The following RAD51B variants were observed in gnomAD, a reference collection of about 807,000 sequenced individuals.
The protein encoded by RAD51B is DNA repair protein RAD51 homolog 2.
In RAD51B, 38 loss-of-function variants were observed where a neutral mutation model predicts 42.2. The observed-to-expected ratio is 0.90, with a 90% CI of 0.70 to 1.18. RAD51B has a LOEUF of 1.18. Ranked by LOEUF, RAD51B falls within the 50% of genes most tolerant of loss-of-function variation. The probability of loss-of-function intolerance (pLI) is 0.00; values close to 1 mark genes in which losing one functional copy is unlikely to be tolerated. For synonymous variants in RAD51B, 154 were observed against 145.2 expected (o/e 1.06, Z -0.43); for missense variants, 373 against 400.7 (o/e 0.93, Z 0.59).
chr14:67,851,140 G>A (rs1372762064), intron 4 of RAD51B, among the ~76,000 whole-genome samples: 1 of 152,028 alleles, frequency 6.6e-6, no homozygotes, highest in Non-Finnish European at 1.5e-5. Flanking sequence ...TGGTTGCGTC[G>A]GTTCAACCTC....
intron 8 of RAD51B, among the ~76,000 whole-genome samples, chr14:68,315,938 GAAC>G (rs2082053111): frequency 6.6e-6 from 1 of 152,178 alleles, no homozygotes; most frequent in African/African-American, 2.4e-5. Flanking sequence ...ATCTGAATGA[GAAC>G]AACAGCATTG....
At chr14:68,411,967 A>G (rs2084432501) in intron 9 of RAD51B, among the ~76,000 whole-genome samples, 1 of 152,234 alleles carries the variant, frequency 6.6e-6, no homozygotes. Context: ...CCCAGATACT[A>G]GGTACTTTTA....
At chr14:68,673,536 A>G (rs1324487379) in intron 11 of RAD51B, among the ~76,000 whole-genome samples, 1 of 151,718 alleles carries the variant, frequency 6.6e-6, no homozygotes, top group Non-Finnish European at 1.5e-5. Flanking sequence ...GCACACACAT[A>G]CACATACATA....
intron 7 of RAD51B, among the ~76,000 whole-genome samples, chr14:68,025,782 C>T (rs1351252547): frequency 1.3e-5 from 2 of 151,972 alleles, no homozygotes; most frequent in Non-Finnish European, 2.9e-5. Flanking sequence ...AGCTAGCAGT[C>T]TATCAGTCTT....
intron 7 of RAD51B, among the ~76,000 whole-genome samples, chr14:68,253,119 GTCAAA>G (rs1002321264): frequency 6.6e-5 from 10 of 151,638 alleles, no homozygotes; most frequent in African/African-American, 2.4e-4. Flanking sequence ...TGTAAATTTG[GTCAAA>G]TTCTCCATTC....
At chr14:67,954,291 T>C (rs1279189147) in intron 7 of RAD51B, among the ~76,000 whole-genome samples, 2 of 152,232 alleles carry the variant, frequency 1.3e-5, no homozygotes, top group African/African-American at 4.8e-5. Context: ...GGTAAGATTC[T>C]TTGTGCTTAA....
chr14:68,258,431 ACT>A lies in RAD51B; in HGVS notation c.757-33441_757-33440del, dbSNP rs535522450. On this transcript the variant is annotated intron_variant, in intron 7 of 10. Transcript: ENST00000471583. ...ACCACACACACACACACACACACAC[ACT>A]CTCTCTCTCTCACACACACACACAC... 7.4e-3 allele frequency among the ~76,000 whole-genome samples: 1,109 copies of A among 149,098 alleles called. 12 individuals carry two copies. Among genetic ancestry groups the A allele is most frequent in the African/African-American group, 0.026 (1,065 of 40,436 alleles).
chr14:68,148,553 T>G (rs72725199), intron 7 of RAD51B, among the ~76,000 whole-genome samples: 1,857 of 152,342 alleles, frequency 0.012, 25 homozygotes, highest in Middle Eastern at 0.048. Flanking sequence ...TGACTTACAC[T>G]TTTTTGATTT....
intron 7 of RAD51B, among the ~76,000 whole-genome samples, chr14:67,990,639 A>T (rs1203405289): frequency 6.6e-6 from 1 of 151,810 alleles, no homozygotes; most frequent in Non-Finnish European, 1.5e-5. Flanking sequence ...TGAACTAAAA[A>T]TATACAAATA....
chr14:67,851,518 G>A (rs1218452175), intron 4 of RAD51B, among the ~76,000 whole-genome samples: 2 of 152,114 alleles, frequency 1.3e-5, no homozygotes, highest in East Asian at 3.9e-4. Context: ...GAGGAAGGGG[G>A]TCATGTGGAA....
intron 11 of RAD51B, chr14:68,682,875 C>CT (rs1166737039): frequency 0.031 from 17,672 of 561,258 alleles, 1 homozygote; most frequent in Non-Finnish European, 0.034. Flanking sequence ...TCTCACAAGG[C>CT]TTTTTTTTTT....
chr14:68,473,751 A>G (rs1882301197), intron 10 of RAD51B, among the ~76,000 whole-genome samples: 1 of 152,166 alleles, frequency 6.6e-6, no homozygotes, highest in Non-Finnish European at 1.5e-5. Context: ...GACAAACTTT[A>G]GGACTCCTTT....
At chr14:68,317,636 G>A (rs2082086882) in intron 8 of RAD51B, among the ~76,000 whole-genome samples, 1 of 152,156 alleles carries the variant, frequency 6.6e-6, no homozygotes, top group Admixed American at 6.5e-5. Flanking sequence ...ATTCATGAGA[G>A]AAACAAGTCC....
chr14:68,251,076 C>T (rs918958123), intron 7 of RAD51B, among the ~76,000 whole-genome samples: 1 of 152,072 alleles, frequency 6.6e-6, no homozygotes, highest in Non-Finnish European at 1.5e-5. Flanking sequence ...ACAACTTTGT[C>T]TTTGACTAGT....
At chr14:68,206,899 C>T (rs891678099) in intron 7 of RAD51B, among the ~76,000 whole-genome samples, 2 of 151,756 alleles carry the variant, frequency 1.3e-5, no homozygotes, top group African/African-American at 2.4e-5. Context: ...ATGCCATTCT[C>T]CTGCCTCAGC....
chr14:67,849,481 C>T (rs7149122), intron 4 of RAD51B, among the ~76,000 whole-genome samples: 2,935 of 152,200 alleles, frequency 0.019, 42 homozygotes, highest in East Asian at 0.051. Flanking sequence ...TGGGTTTTCA[C>T]CATGTTGGTC....
chr14:68,121,447 C>T lies in RAD51B; in HGVS notation c.757-170437C>T, dbSNP rs1373770674. Among the ~76,000 whole-genome samples the T allele has an allele frequency of 2.5e-4, 38 of 152,092 alleles. 1 individual carries two copies. Among genetic ancestry groups the T allele is most frequent in the Admixed American group, 2.5e-3 (38 of 15,266 alleles). Reference sequence around the variant, plus strand: ...CTGGTTTGTACCATATGACCCCATCCCCATCTTCTAGTCAAGTGATCTAAG... The same window carrying T: ...CTGGTTTGTACCATATGACCCCATCTCCATCTTCTAGTCAAGTGATCTAAG... On this transcript the variant is annotated intron_variant, in intron 7 of 10. Coordinates refer to ENST00000471583, the MANE Select transcript of RAD51B (RefSeq NM_133510.4).
intron 8 of RAD51B, among the ~76,000 whole-genome samples, chr14:68,410,118 T>C (rs1051923267): frequency 2.0e-5 from 3 of 152,172 alleles, no homozygotes; most frequent in Non-Finnish European, 2.9e-5. Flanking sequence ...TCCTATGCAT[T>C]ATAAAATGGT....
chr14:68,375,335 A>G (rs2083345718), intron 8 of RAD51B, among the ~76,000 whole-genome samples: 1 of 151,564 alleles, frequency 6.6e-6, no homozygotes. Context: ...TTTTTATTCT[A>G]TTTTTCTTTA....
Sources: allele counts gnomAD v4.1 joint callset (sites outside exome capture counted in the v4.1 genomes callset), GRCh38; gene constraint gnomAD v4.1.1; transcripts MANE v1.5; gene names NCBI Gene and HGNC (gene_info 2026-07-23, HGNC 2026-07-21).